INPP4B: variants seen among roughly 807,000 people sequenced by gnomAD.
INPP4B encodes inositol polyphosphate 4-phosphatase type II.
A neutral mutation model predicts 122.5 loss-of-function variants in INPP4B; 55 were observed. The ratio of observed to expected loss-of-function variants is 0.45; its 90% CI spans 0.36 to 0.56. INPP4B has a LOEUF of 0.56. Ranked by LOEUF, INPP4B falls within the 20% of genes least tolerant of loss-of-function variation. The pLI, the probability that INPP4B is intolerant of heterozygous loss-of-function variation, is 0.00. For missense variants in INPP4B, 1,000 were observed against 1,097.7 expected (o/e 0.91, Z 1.26); for synonymous variants, 403 against 388.7 (o/e 1.04, Z -0.43).
intron 2 of INPP4B, among the ~76,000 whole-genome samples, chr4:142,657,118 C>G (rs1161756625): frequency 6.6e-6 from 1 of 152,134 alleles, no homozygotes; most frequent in Admixed American, 6.5e-5. Flanking sequence ...GGGTGGTCCT[C>G]TGTGTGTGTA....
At chr4:142,134,911 T>C (rs962015502) in intron 18 of INPP4B, among the ~76,000 whole-genome samples, 1 of 152,012 alleles carries the variant, frequency 6.6e-6, no homozygotes, top group Non-Finnish European at 1.5e-5. Context: ...TATGTAGGAA[T>C]TTATGAATTT....
chr4:142,508,713 T>C (rs1165622106), intron 2 of INPP4B, among the ~76,000 whole-genome samples: 1 of 152,242 alleles, frequency 6.6e-6, no homozygotes, highest in African/African-American at 2.4e-5. Flanking sequence ...ATAGCCTTTC[T>C]TGATTATATA....
intron 1 of INPP4B, among the ~76,000 whole-genome samples, chr4:142,726,421 C>T (rs1191734686): frequency 2.0e-5 from 3 of 152,152 alleles, no homozygotes; most frequent in African/African-American, 7.2e-5. Context: ...CTGCAGATTA[C>T]CTTCCTTATG....
At chr4:142,460,419 T>C (rs1816469134) in intron 3 of INPP4B, among the ~76,000 whole-genome samples, 1 of 152,188 alleles carries the variant, frequency 6.6e-6, no homozygotes, top group Non-Finnish European at 1.5e-5. Flanking sequence ...TCAGATAACA[T>C]GCTCCCCAGA....
At chr4:142,261,736 C>A (rs574156819) in intron 10 of INPP4B, among the ~76,000 whole-genome samples, 1 of 152,106 alleles carries the variant, frequency 6.6e-6, no homozygotes, top group African/African-American at 2.4e-5. Context: ...GGAATGTATA[C>A]GTTCCTCAAA....
intron 14 of INPP4B, among the ~76,000 whole-genome samples, chr4:142,194,021 A>G (rs1281860613): frequency 2.0e-5 from 3 of 152,150 alleles, no homozygotes; most frequent in African/African-American, 7.2e-5. Flanking sequence ...ATCCTTTTCA[A>G]ATTGATTTTG....
chr4:142,615,880 A>T (rs775968307), intron 2 of INPP4B, among the ~76,000 whole-genome samples: 1 of 152,138 alleles, frequency 6.6e-6, no homozygotes, highest in Non-Finnish European at 1.5e-5. Context: ...AGGTTCACAG[A>T]AAATAAACTG....
chr4:142,413,633 C>T (rs575592157), intron 5 of INPP4B, among the ~76,000 whole-genome samples: 16 of 152,230 alleles, frequency 1.1e-4, no homozygotes, highest in African/African-American at 3.1e-4. Context: ...GAAGTATTGG[C>T]CTTAGACCCT....
At chr4:142,287,490 C>T (rs933787348) in intron 9 of INPP4B, 34 of 152,116 alleles carry the variant, frequency 2.2e-4, no homozygotes, top group African/African-American at 7.7e-4. Context: ...TGAGTTTGGG[C>T]ATGTTGTGTT....
chr4:142,099,829 C>G (rs1043649165), intron 23 of INPP4B, among the ~76,000 whole-genome samples: 3 of 152,096 alleles, frequency 2.0e-5, no homozygotes, highest in Non-Finnish European at 4.4e-5. Context: ...AAAAGATGAA[C>G]TGTTTTAACA....
At chr4:142,446,136 T>TA (rs56825479) in intron 3 of INPP4B, among the ~76,000 whole-genome samples, 3 of 146,684 alleles carry the variant, frequency 2.0e-5, no homozygotes, top group East Asian at 1.9e-4. Context: ...ACAAGCAGGA[T>TA]AAAAAAAATG....
intron 3 of INPP4B, among the ~76,000 whole-genome samples, chr4:142,458,052 A>G (rs1451011738): frequency 6.6e-6 from 1 of 152,184 alleles, no homozygotes; most frequent in Non-Finnish European, 1.5e-5. Context: ...TAAAAATCCA[A>G]AACAATCCTA....
chr4:142,058,863 A>C (rs1759107969), intron 25 of INPP4B, among the ~76,000 whole-genome samples: 1 of 152,108 alleles, frequency 6.6e-6, no homozygotes, highest in African/African-American at 2.4e-5. Flanking sequence ...ACAACAATTG[A>C]GAGGTGGTCA....
intron 2 of INPP4B, among the ~76,000 whole-genome samples, chr4:142,719,142 C>A (rs747340941): frequency 9.2e-5 from 14 of 152,114 alleles, no homozygotes; most frequent in Non-Finnish European, 1.8e-4. Context: ...CACTTACAAA[C>A]CTGCTTCACA....
At chr4:142,322,670 C>T (rs578134033) in intron 7 of INPP4B, among the ~76,000 whole-genome samples, 3 of 152,264 alleles carry the variant, frequency 2.0e-5, no homozygotes, top group Admixed American at 2.0e-4. Context: ...CAGAAACATG[C>T]TTTGTAACTA....
At chr4:142,425,965 TTGAG>T (rs1297870688) in intron 5 of INPP4B, among the ~76,000 whole-genome samples, 2 of 152,056 alleles carry the variant, frequency 1.3e-5, no homozygotes, top group Non-Finnish European at 2.9e-5. Context: ...TTGGCTTGCA[TTGAG>T]TATTAGCCAT....
intron 2 of INPP4B, among the ~76,000 whole-genome samples, chr4:142,653,120 G>A (rs929951181): frequency 1.3e-5 from 2 of 152,228 alleles, no homozygotes; most frequent in South Asian, 2.1e-4. Flanking sequence ...ACAGGAAATG[G>A]GGAAAGGATC....
chr4:142,450,874 G>T (rs767282378), intron 3 of INPP4B, among the ~76,000 whole-genome samples: 5 of 151,662 alleles, frequency 3.3e-5, no homozygotes, highest in Non-Finnish European at 7.4e-5. Flanking sequence ...TCTTGAGAAA[G>T]AAATTAGGGC....
intron 1 of INPP4B, among the ~76,000 whole-genome samples, chr4:142,818,824 C>A (rs2151145862): frequency 6.6e-6 from 1 of 152,270 alleles, no homozygotes; most frequent in Admixed American, 6.5e-5. Context: ...AACCACCCAA[C>A]ATTCCTGTTT....
Sources: allele counts gnomAD v4.1 joint callset (sites outside exome capture counted in the v4.1 genomes callset), GRCh38; gene constraint gnomAD v4.1.1; transcripts MANE v1.5; gene names NCBI Gene and HGNC (gene_info 2026-07-23, HGNC 2026-07-21).